Variants in RPH3AL observed in about 807,000 individuals in gnomAD.
The protein encoded by RPH3AL is rabphilin 3A like (without C2 domains), also known as rab effector Noc2.
A neutral mutation model predicts 43.1 loss-of-function variants in RPH3AL; 38 were observed. That is an observed-to-expected ratio of 0.88 (90% CI 0.68 to 1.15). The LOEUF is 1.15. Ranked by LOEUF, RPH3AL falls within the 50% of genes most tolerant of loss-of-function variation. RPH3AL has a pLI of 0.00. For synonymous variants in RPH3AL, 189 were observed against 176.3 expected (o/e 1.07, Z -0.57); for missense variants, 462 against 423.2 (o/e 1.09, Z -0.81).
At position 281,644 on chromosome 17, in the gene RPH3AL, C is replaced by A. The variant is rs9894715; in HGVS notation, c.438+124G>T. 186,555 of 391,960 alleles carry A rather than the reference C, an allele frequency of 0.48. 57,853 individuals are homozygous for A. Among genetic ancestry groups the A allele is most frequent in the Non-Finnish European group, 0.58 (103,979 of 178,656 alleles). 24.3% of individuals were successfully genotyped at this position (391,960 alleles called of 1,614,324 possible). A position where few individuals can be genotyped will look rare whatever the true frequency, so the allele number is the denominator to read the frequency against. Reference sequence around the variant, plus strand: ...CCCTCCCAGTGACTGTCCACCCATCCCCATCTGAGAGCGTATCCAGCCCGC... The same window carrying A: ...CCCTCCCAGTGACTGTCCACCCATCACCATCTGAGAGCGTATCCAGCCCGC... On this transcript the variant is annotated intron_variant, in intron 6 of 9. Coordinates refer to ENST00000331302, the MANE Select transcript of RPH3AL (RefSeq NM_006987.4).
rs1377836287 is a variant in RPH3AL at position 283,989 on chromosome 17, G to A, written c.352-2135C>T. Among the ~76,000 whole-genome samples, 4 of 152,164 alleles carry A rather than the reference G, an allele frequency of 2.6e-5. No individual in the cohort carries two copies. The highest frequency in any genetic ancestry group is 4.4e-5 in the Non-Finnish European group (3 of 68,024). ...TGCTACTTAGCTCTGTTTTCCTTGC[G>A]AATTCCCACCATCCCTGTGTACACT... On this transcript the variant is annotated intron_variant, in intron 5 of 9. Coordinates refer to ENST00000331302, the MANE Select transcript of RPH3AL (RefSeq NM_006987.4). This position sits in a 1 kb window ranked among gnomAD's most constrained non-coding sequence, Gnocchi z 4.2.
At chr17:236,312 G>A (rs964925799) in intron 7 of RPH3AL, among the ~76,000 whole-genome samples, 48 of 152,180 alleles carry the variant, frequency 3.2e-4, no homozygotes, top group African/African-American at 8.2e-4. Flanking sequence ...GCTATTGATC[G>A]AGGAAACCTA....
intron 2 of RPH3AL, chr17:331,837 A>G: frequency 7.8e-7 from 1 of 1,289,210 alleles, no homozygotes; most frequent in Non-Finnish European, 1.0e-6. Context: ...TGCCCTGTGC[A>G]TTAAACACAG....
chr17:215,853 A>C lies in RPH3AL; in HGVS notation c.728-51T>G. 3 of 1,290,154 alleles carry C rather than the reference A, an allele frequency of 2.3e-6. No homozygotes were observed. The highest frequency in any genetic ancestry group is 3.0e-6 in the Non-Finnish European group (3 of 1,012,530). The allele number at this position is 1,290,154 out of a possible 1,614,324, so 79.9% of individuals were successfully genotyped here. The stretch of plus-strand genomic sequence containing the variant: ...GTGGATCTCAAACCGAGACGGGGTG[A>C]TCTCAGTCCAGTTCCTCGTTTGGAA... On this transcript the variant is annotated intron_variant, in intron 8 of 9. Coordinates refer to ENST00000331302, the MANE Select transcript of RPH3AL (RefSeq NM_006987.4). The surrounding 1 kb of genome is among the most constrained non-coding windows in gnomAD (Gnocchi z 4.1).
At chr17:309,548 G>C (rs2043587326) in intron 5 of RPH3AL, among the ~76,000 whole-genome samples, 1 of 149,436 alleles carries the variant, frequency 6.7e-6, no homozygotes, top group Non-Finnish European at 1.5e-5. Context: ...CCCCTGCTGG[G>C]GGTCCGGGAT....
intron 1 of RPH3AL, 163 bp from the exon 2 acceptor site, chr17:334,097 G>A (rs1009255839): frequency 6.5e-6 from 1 of 152,902 alleles, no homozygotes; most frequent in African/African-American, 2.4e-5. Flanking sequence ...CCAGTGGCTG[G>A]GGCCGGTCAC....
chr17:270,760 G>C (rs573605779), intron 6 of RPH3AL, among the ~76,000 whole-genome samples: 1 of 152,132 alleles, frequency 6.6e-6, no homozygotes, highest in African/African-American at 2.4e-5. Flanking sequence ...CCTTTGCTGT[G>C]TGGAAGCTCT....
intron 8 of RPH3AL, among the ~76,000 whole-genome samples, chr17:216,984 G>A (rs2151494690): frequency 6.6e-6 from 1 of 152,004 alleles, no homozygotes; most frequent in South Asian, 2.1e-4. Flanking sequence ...CTCCCATCTG[G>A]GGCAGTTATT....
At chr17:311,215 A>C (rs1333899958) in intron 5 of RPH3AL, among the ~76,000 whole-genome samples, 1 of 152,210 alleles carries the variant, frequency 6.6e-6, no homozygotes, top group Non-Finnish European at 1.5e-5. Context: ...CCTTGGAGGC[A>C]GCTGGAGCAT....
intron 7 of RPH3AL, among the ~76,000 whole-genome samples, chr17:236,262 C>T (rs11651610): frequency 0.14 from 21,953 of 152,244 alleles, 1,748 homozygotes; most frequent in South Asian, 0.25. Flanking sequence ...GGAGCTCACT[C>T]CTCCGTCAGA....
chr17:349,009 G>A (rs766338309), intron 1 of RPH3AL: 2 of 152,154 alleles, frequency 1.3e-5, no homozygotes, highest in South Asian at 2.1e-4. Flanking sequence ...ATCAGACAGC[G>A]GCTCCAATAA....
chr17:337,022 A>C (rs987646958), intron 1 of RPH3AL, among the ~76,000 whole-genome samples: 3 of 152,158 alleles, frequency 2.0e-5, no homozygotes, highest in Non-Finnish European at 4.4e-5. Flanking sequence ...TGTTACCCCG[A>C]TGCCCAGACA....
chr17:215,985 CATGG>C lies in RPH3AL; in HGVS notation c.728-187_728-184del. On this transcript the variant is annotated intron_variant, in intron 8 of 9. Transcript: ENST00000331302. This position sits in a 1 kb window ranked among gnomAD's most constrained non-coding sequence, Gnocchi z 4.1. ...CCGGGCTCTGGCCTGACCCCACCCA[CATGG>C]CTGCCGGGCTCTGGCCTGACCCCAC... 9.0e-6 allele frequency: 4 copies of C among 443,244 alleles called. No individual in the cohort carries two copies. Among genetic ancestry groups the C allele is most frequent in the Admixed American group, 4.5e-5 (1 of 22,276 alleles). 27.5% of individuals were successfully genotyped at this position (443,244 alleles called of 1,614,324 possible). A position where few individuals can be genotyped will look rare whatever the true frequency, so the allele number is the denominator to read the frequency against.
intron 6 of RPH3AL, among the ~76,000 whole-genome samples, chr17:272,014 A>G (rs1483060498): frequency 6.6e-6 from 1 of 152,266 alleles, no homozygotes; most frequent in Non-Finnish European, 1.5e-5. Flanking sequence ...AATGCTCACC[A>G]TCACTGGCCA....
intron 5 of RPH3AL, among the ~76,000 whole-genome samples, chr17:292,208 C>T (rs1487308634): frequency 2.0e-5 from 3 of 152,172 alleles, no homozygotes; most frequent in East Asian, 3.9e-4. Flanking sequence ...ATCATAAGCT[C>T]AGCCCTGCTC....
chr17:332,512 C>T (rs2044806187), intron 2 of RPH3AL: 2 of 169,310 alleles, frequency 1.2e-5, no homozygotes, highest in African/African-American at 4.7e-5. Flanking sequence ...GATGCCCACA[C>T]AGAGCCTGCT....
intron 6 of RPH3AL, among the ~76,000 whole-genome samples, chr17:251,059 T>C (rs1167953799): frequency 6.6e-6 from 1 of 152,212 alleles, no homozygotes; most frequent in Non-Finnish European, 1.5e-5. Flanking sequence ...GACTCGGCAC[T>C]TAACTGGGCA....
At chr17:349,070 G>C (rs2045304738) in intron 1 of RPH3AL, 1 of 151,304 alleles carries the variant, frequency 6.6e-6, no homozygotes, top group Non-Finnish European at 1.5e-5. Flanking sequence ...GCGCAGTGAA[G>C]ATCTTGCTCT....
chr17:319,411 G>C lies in RPH3AL; in HGVS notation c.351+9C>G. 1 of 1,608,882 alleles carries C rather than the reference G, an allele frequency of 6.2e-7. No homozygotes were observed. Among genetic ancestry groups the C allele is most frequent in the Admixed American group, 1.7e-5 (1 of 59,666 alleles). Reference sequence around the variant, plus strand: ...AAGCCAGAATGACAGGGCCAGAGCAGGGTCTTACCTTCCTGCAGTCTTTGC... The same window carrying C: ...AAGCCAGAATGACAGGGCCAGAGCACGGTCTTACCTTCCTGCAGTCTTTGC... On this transcript the variant is annotated intron_variant, in intron 5 of 9. Transcript: ENST00000331302.
Sources: gnomAD v4.1 joint callset for allele counts (sites outside exome capture counted in the v4.1 genomes callset) on GRCh38, gnomAD v4.1.1 for gene constraint, Gnocchi (gnomAD v3.1) non-coding constraint, MANE v1.5 for transcripts, NCBI Gene and HGNC (gene_info 2026-07-23, HGNC 2026-07-21) for gene names.